VMP1: variants seen among roughly 807,000 people sequenced by gnomAD.
VMP1 encodes ectopic P-granules autophagy protein 3 homolog.
Under a neutral mutation model 56.0 loss-of-function variants are expected in VMP1, and 11 were observed. The observed-to-expected ratio is 0.20, with a 90% confidence interval of 0.12 to 0.32. The LOEUF is 0.32. VMP1 is among the 10% of genes least tolerant of loss of function. The pLI is 1.00. For synonymous variants in VMP1, 149 were observed against 165.0 expected, an observed-to-expected ratio of 0.90 and a Z score of 0.74; for missense variants, 296 against 490.3, an observed-to-expected ratio of 0.60 and a Z score of 3.74.
At chr17:59,792,031 G>A (rs1333940631) in intron 7 of VMP1, among the ~76,000 whole-genome samples, 1 of 151,952 alleles carries the variant, frequency 6.6e-6, no homozygotes, top group Non-Finnish European at 1.5e-5. Flanking sequence ...CAGCATTTTG[G>A]GATACTGAGG....
At chr17:59,764,925 AT>A (rs745374306) in intron 5 of VMP1, 45 bp from the exon 6 acceptor site, 5 of 1,396,756 alleles carry the variant, frequency 3.6e-6, no homozygotes, top group Non-Finnish European at 3.8e-6. Context: ...TGTATTGATA[AT>A]TTTTTAATAG....
At chr17:59,759,835 C>T (rs1434419331) in intron 5 of VMP1, among the ~76,000 whole-genome samples, 1 of 142,186 alleles carries the variant, frequency 7.0e-6, no homozygotes, top group African/African-American at 2.6e-5. Context: ...ATTCCTTTTT[C>T]TTTTTTCTCT....
chr17:59,739,567 A>G (rs2035141265), intron 5 of VMP1, among the ~76,000 whole-genome samples: 1 of 150,984 alleles, frequency 6.6e-6, no homozygotes, highest in Admixed American at 6.6e-5. Flanking sequence ...TACTAAAAAT[A>G]CAAAAAATTA....
In VMP1 at chr17:59,738,823, T is replaced by A. The variant is rs751540877; in HGVS notation, c.304-14T>A. On this transcript the variant is annotated splice_polypyrimidine_tract_variant and intron_variant, in intron 4 of 11. Transcript: ENST00000262291. ...TAGAGAATTCACGGTTTTCACCTCA[T>A]CCCTTTTTTTCAGTATGTGCAACGT... 1.9e-6 allele frequency: 3 copies of A among 1,572,580 alleles called. No homozygotes were observed. Among genetic ancestry groups the A allele is most frequent in the Non-Finnish European group, 1.7e-6 (2 of 1,144,118 alleles).
intron 5 of VMP1, among the ~76,000 whole-genome samples, chr17:59,752,916 A>T (rs2035706116): frequency 6.6e-6 from 1 of 152,208 alleles, no homozygotes; most frequent in Non-Finnish European, 1.5e-5. Context: ...CCATTTTGTT[A>T]TCTGTATGTA....
chr17:59,792,563 T>C (rs1267856471), intron 7 of VMP1, among the ~76,000 whole-genome samples: 1 of 152,032 alleles, frequency 6.6e-6, no homozygotes, highest in South Asian at 2.1e-4. Context: ...TTCAGTTTGA[T>C]CTAAATAATT....
intron 9 of VMP1, among the ~76,000 whole-genome samples, chr17:59,816,952 AAAAAAAG>A (rs2038257255): frequency 2.7e-5 from 4 of 147,718 alleles, no homozygotes; most frequent in South Asian, 4.3e-4. Context: ...TCTCAAAAAA[AAAAAAAG>A]AAAAAAGAAA....
intron 6 of VMP1, among the ~76,000 whole-genome samples, chr17:59,771,218 G>A (rs1312732040): frequency 6.6e-6 from 1 of 151,286 alleles, no homozygotes; most frequent in Non-Finnish European, 1.5e-5. Flanking sequence ...CTGTCACCAG[G>A]CTGGAGTGCA....
In VMP1 at chr17:59,729,387, G is replaced by T. The variant is rs538503683; in HGVS notation, c.-26-2034G>T. Among the ~76,000 whole-genome samples, 1,180 of 151,234 alleles carry T rather than the reference G, an allele frequency of 7.8e-3. 10 individuals are homozygous for T. The highest frequency in any genetic ancestry group is 0.011 in the Non-Finnish European group (762 of 67,854). ...AATCCCAGTTACCTGGGAGGCTGAG[G>T]CAGGAGAACCACTTGAACTCGGGAG... On this transcript the variant is annotated intron_variant, in intron 1 of 11. Transcript: ENST00000262291.
chr17:59,730,483 T>C (rs1182385446), intron 1 of VMP1, among the ~76,000 whole-genome samples: 1 of 152,160 alleles, frequency 6.6e-6, no homozygotes, highest in East Asian at 1.9e-4. Context: ...CAGGCTGGGC[T>C]CAAACTCCTG....
intron 6 of VMP1, among the ~76,000 whole-genome samples, chr17:59,765,553 A>G (rs1379647563): frequency 1.3e-5 from 2 of 152,222 alleles, no homozygotes; most frequent in African/African-American, 4.8e-5. Context: ...AGATTAACAC[A>G]TATTTTGTAT....
At chr17:59,827,019 T>C (rs1185888641) in intron 10 of VMP1, among the ~76,000 whole-genome samples, 1 of 152,214 alleles carries the variant, frequency 6.6e-6, no homozygotes, top group Non-Finnish European at 1.5e-5. Flanking sequence ...TTACTTTCAA[T>C]GAAAAACCTA....
chr17:59,725,278 TAGAC>T (rs1186016661), intron 1 of VMP1, among the ~76,000 whole-genome samples: 10 of 152,206 alleles, frequency 6.6e-5, no homozygotes, highest in South Asian at 4.1e-4. Context: ...TTCAGCTTCT[TAGAC>T]AGATCATAAG....
intron 7 of VMP1, among the ~76,000 whole-genome samples, chr17:59,794,701 T>C (rs1451167046): frequency 6.6e-6 from 1 of 151,768 alleles, no homozygotes; most frequent in Non-Finnish European, 1.5e-5. Flanking sequence ...TTACTTACTT[T>C]ATATCTGAAC....
chr17:59,819,712 A>G (rs913967283), intron 10 of VMP1, among the ~76,000 whole-genome samples: 1 of 152,194 alleles, frequency 6.6e-6, no homozygotes, highest in Admixed American at 6.6e-5. Flanking sequence ...TCGGGCTTCC[A>G]AAGTGCTGGG....
intron 7 of VMP1, among the ~76,000 whole-genome samples, chr17:59,802,907 C>G (rs546100936): frequency 1.7e-5 from 2 of 120,084 alleles, no homozygotes; most frequent in Non-Finnish European, 4.2e-5. Flanking sequence ...CCACCATGCC[C>G]GGCTAATTTT....
intron 5 of VMP1, among the ~76,000 whole-genome samples, chr17:59,762,519 G>A (rs1004284609): frequency 2.0e-5 from 3 of 151,504 alleles, no homozygotes; most frequent in African/African-American, 7.3e-5. Context: ...CATTCAAATC[G>A]GTTATATTTA....
chr17:59,730,040 G>A (rs2034766309), intron 1 of VMP1: 1 of 151,912 alleles, frequency 6.6e-6, no homozygotes, highest in Admixed American at 6.6e-5. Flanking sequence ...ATCTCATTGT[G>A]GTTTAATTTG....
intron 7 of VMP1, among the ~76,000 whole-genome samples, chr17:59,789,083 G>A (rs1257868559): frequency 1.3e-5 from 2 of 148,276 alleles, no homozygotes; most frequent in Non-Finnish European, 3.0e-5. Flanking sequence ...GAGGTCAGGA[G>A]ATCAAGACCA....
Sources: allele counts gnomAD v4.1 joint callset (sites outside exome capture counted in the v4.1 genomes callset), GRCh38; gene constraint gnomAD v4.1.1; transcripts MANE v1.5; gene names NCBI Gene and HGNC (gene_info 2026-07-23, HGNC 2026-07-21).